The following SIX1 variants were observed in gnomAD, a reference collection of about 807,000 sequenced individuals.
SIX1 encodes the protein homeobox protein SIX1.
SIX1 carries 11 observed loss-of-function variants against 26.5 expected under a neutral mutation model. That is an observed-to-expected ratio of 0.41 (90% confidence interval 0.26 to 0.69). The LOEUF is 0.69. Ranked by LOEUF, SIX1 falls within the 30% of genes least tolerant of loss-of-function variation. SIX1 has a pLI of 0.28. For synonymous variants in SIX1, 177 were observed against 166.2 expected, an observed-to-expected ratio of 1.06 and a Z score of -0.50; for missense variants, 333 against 365.9, an observed-to-expected ratio of 0.91 and a Z score of 0.73.
Position 60,649,195 on chromosome 14 carries a change from G to C in SIX1, c.-6C>G. 1 of 1,604,378 alleles carries C rather than the reference G, an allele frequency of 6.2e-7. No individual in the cohort carries two copies. Among genetic ancestry groups the C allele is most frequent in the Non-Finnish European group, 8.5e-7 (1 of 1,179,550 alleles). ...AACGACGGCAGCATCGACATGGCTG[G>C]GGCCTGCCGGGGCGCACGGCCCAGG... On this transcript the variant is annotated 5_prime_UTR_variant, in exon 1 of 2. Transcript: ENST00000645694. The surrounding 1 kb of genome is among the most constrained non-coding windows in gnomAD (Gnocchi z 5.1).
Position 60,646,355 on chromosome 14 carries a change from C to G in SIX1, c.783G>C (p.Gln261His). ...LTASQPSHGL[Q>H]THQHQLQDSL... is the part of the protein sequence containing the mutation. ...AGTCTTGGAGCTGATGCTGGTGGGT[C>G]TGCAGGCCGTGACTGGGCTGCGAGG... Residue 261 changes from glutamine (Q) to histidine (H), a missense_variant, in exon 2 of 2, where the codon CAG becomes CAC. By Grantham distance (24) the Gln-to-His change is conservative. Around this residue, in one of 3 missense-constraint regions of SIX1, gnomAD observed 199 missense variants for 215.2 expected, o/e 0.92. Transcript: ENST00000645694. 1 of 1,614,022 alleles carries G rather than the reference C, an allele frequency of 6.2e-7. No individual in the cohort carries two copies. The highest frequency in any genetic ancestry group is 1.3e-5 in the African/African-American group (1 of 74,994).
In SIX1 at chr14:60,644,011, C is replaced by G. The variant is rs929721515; in HGVS notation, c.*2272G>C. 1 of 152,164 alleles carries G rather than the reference C, an allele frequency of 6.6e-6. No homozygotes were observed. Among genetic ancestry groups the G allele is most frequent in the African/African-American group, 2.4e-5 (1 of 41,424 alleles). 9.4% of individuals were successfully genotyped at this position (152,164 alleles called of 1,614,324 possible). On this transcript the variant is annotated 3_prime_UTR_variant, in exon 2 of 2. Transcript: ENST00000645694. ...GGCGCCCTGCGAGACACAACTTCCACGAGCCTAAAATTATCCCAGGCGGAG... is the reference window on the plus strand; with the variant it reads ...GGCGCCCTGCGAGACACAACTTCCAGGAGCCTAAAATTATCCCAGGCGGAG...
chr14:60,646,646 AGT>A lies in SIX1; in HGVS notation c.561-71_561-70del, dbSNP rs1894948861. 16 of 1,358,436 alleles carry A rather than the reference AGT, an allele frequency of 1.2e-5. No homozygotes were observed. In the Admixed American group the frequency reaches 2.7e-4, roughly 23 times the overall value. The allele number at this position is 1,358,436 out of a possible 1,614,324, so 84.1% of individuals were successfully genotyped here. On this transcript the variant is annotated intron_variant, in intron 1 of 1. Coordinates refer to ENST00000645694, the MANE Select transcript of SIX1 (RefSeq NM_005982.4). ...AAAAAAAAAAGTAGGTTAAAAAAAAAGTGTGAGATGGAGGGAGGGGAGCTGGA... is the reference window on the plus strand; with the variant it reads ...AAAAAAAAAAGTAGGTTAAAAAAAAAGTGAGATGGAGGGAGGGGAGCTGGA...
Position 60,649,393 on chromosome 14 carries a change from G to C in SIX1, c.-204C>G, listed in dbSNP as rs994915604. On this transcript the variant is annotated 5_prime_UTR_variant, in exon 1 of 2. Coordinates refer to ENST00000645694, the MANE Select transcript of SIX1 (RefSeq NM_005982.4). This position sits in a 1 kb window ranked among gnomAD's most constrained non-coding sequence, Gnocchi z 5.1. The stretch of plus-strand genomic sequence containing the variant: ...AGGAGTAGGGGAGGTTCTGGACACG[G>C]AACGGCCGGCGCACTCAGTAGCCTT... The C allele has an allele frequency of 1.7e-5, 10 of 580,416 alleles. No individual in the cohort carries two copies. Among genetic ancestry groups the C allele is most frequent in the Non-Finnish European group, 1.5e-5 (5 of 326,458 alleles). 36.0% of individuals were successfully genotyped at this position (580,416 alleles called of 1,614,324 possible). A position where few individuals can be genotyped will look rare whatever the true frequency, so the allele number is the denominator to read the frequency against.
At position 60,646,071 on chromosome 14, in the gene SIX1, G is replaced by A; in HGVS notation, c.*212C>T. On this transcript the variant is annotated 3_prime_UTR_variant, in exon 2 of 2. Coordinates refer to ENST00000645694, the MANE Select transcript of SIX1 (RefSeq NM_005982.4). ...GCATTGGGAAGGAAAATGCAAAAGT[G>A]GAAAGAGTTGGAGAGAAGAGGAGAT... 2 of 477,250 alleles carry A rather than the reference G, an allele frequency of 4.2e-6. No individual in the cohort carries two copies. Among genetic ancestry groups the A allele is most frequent in the Non-Finnish European group, 3.7e-6 (1 of 273,814 alleles). 29.6% of individuals were successfully genotyped at this position (477,250 alleles called of 1,614,324 possible). A position where few individuals can be genotyped will look rare whatever the true frequency, so the allele number is the denominator to read the frequency against.
At position 60,645,599 on chromosome 14, in the gene SIX1, C is replaced by T. The variant is rs1392224040; in HGVS notation, c.*684G>A. On this transcript the variant is annotated 3_prime_UTR_variant, in exon 2 of 2. Coordinates refer to ENST00000645694, the MANE Select transcript of SIX1 (RefSeq NM_005982.4). This position sits in a 1 kb window ranked among gnomAD's most constrained non-coding sequence, Gnocchi z 4.6. ...AAAATAGTTGCATTACTAATGGTCACGTCTATTTCTGTCTCACATAGAGAG... is the reference window on the plus strand; with the variant it reads ...AAAATAGTTGCATTACTAATGGTCATGTCTATTTCTGTCTCACATAGAGAG... 6.6e-6 allele frequency: 1 copy of T among 151,904 alleles called. No individual in the cohort carries two copies. The highest frequency in any genetic ancestry group is 6.6e-5 in the Admixed American group (1 of 15,244). 9.4% of individuals were successfully genotyped at this position (151,904 alleles called of 1,614,324 possible). A position where few individuals can be genotyped will look rare whatever the true frequency, so the allele number is the denominator to read the frequency against.
Position 60,646,686 on chromosome 14 carries a change from C to T in SIX1, c.561-109G>A, listed in dbSNP as rs138337140. The stretch of plus-strand genomic sequence containing the variant: ...GAGGGGAGCTGGAAGGAGGAAAGGG[C>T]CATTGTGCAATCTGTCACCAACCCA... On this transcript the variant is annotated intron_variant, in intron 1 of 1. Coordinates refer to ENST00000645694, the MANE Select transcript of SIX1 (RefSeq NM_005982.4). The T allele has an allele frequency of 4.3e-3, 4,184 of 970,794 alleles. 22 individuals carry two copies. The highest frequency in any genetic ancestry group is 0.014 in the Middle Eastern group (44 of 3,070). 60.1% of individuals were successfully genotyped at this position (970,794 alleles called of 1,614,324 possible).
rs751926060 is a variant in SIX1 at position 60,648,384 on chromosome 14, C to T, written c.560+246G>A. Among the ~76,000 whole-genome samples, 2 of 152,212 alleles carry T rather than the reference C, an allele frequency of 1.3e-5. No individual in the cohort carries two copies. Among genetic ancestry groups the T allele is most frequent in the Non-Finnish European group, 2.9e-5 (2 of 68,038 alleles). On this transcript the variant is annotated intron_variant, in intron 1 of 1. Transcript: ENST00000645694. The surrounding 1 kb of genome is among the most constrained non-coding windows in gnomAD (Gnocchi z 7.9). The stretch of plus-strand genomic sequence containing the variant: ...GACCAAATCTAGCGCCAATATTTCC[C>T]GACACTCACATCCCAGAGAAACCCA...
At position 60,644,789 on chromosome 14, in the gene SIX1, CAAAAAT is replaced by C. The variant is rs1323905597; in HGVS notation, c.*1488_*1493del. 6.6e-6 allele frequency: 1 copy of C among 152,182 alleles called. No homozygotes were observed. The highest frequency in any genetic ancestry group is 1.5e-5 in the Non-Finnish European group (1 of 68,028). 9.4% of individuals were successfully genotyped at this position (152,182 alleles called of 1,614,324 possible). A position where few individuals can be genotyped will look rare whatever the true frequency, so the allele number is the denominator to read the frequency against. Reference sequence around the variant, plus strand: ...AGAAGATACATCATTTTGCCCCAGGCAAAAATAATATGGAGCCTACATGATTACTGG... The same window carrying C: ...AGAAGATACATCATTTTGCCCCAGGCAATATGGAGCCTACATGATTACTGG... On this transcript the variant is annotated 3_prime_UTR_variant, in exon 2 of 2. Coordinates refer to ENST00000645694, the MANE Select transcript of SIX1 (RefSeq NM_005982.4).
rs1285549846 is a variant in SIX1, at chr14:60,647,354, C to A, written c.561-777G>T. On this transcript the variant is annotated intron_variant, in intron 1 of 1. Coordinates refer to ENST00000645694, the MANE Select transcript of SIX1 (RefSeq NM_005982.4). The surrounding 1 kb of genome is among the most constrained non-coding windows in gnomAD (Gnocchi z 5.1). Reference sequence around the variant, plus strand: ...CTCAAACTTCCTACCAACACCCACCCCAACCCATCCTTTCTGGGCAGGGGA... The same window carrying A: ...CTCAAACTTCCTACCAACACCCACCACAACCCATCCTTTCTGGGCAGGGGA... Among the ~76,000 whole-genome samples, 3 of 152,230 alleles carry A rather than the reference C, an allele frequency of 2.0e-5. No individual in the cohort carries two copies. The highest frequency in any genetic ancestry group is 2.9e-5 in the Non-Finnish European group (2 of 68,038).
rs1179180089 is a variant in SIX1, at chr14:60,647,417, C to G, written c.561-840G>C. ...CCGCACAGGCTGCCAGCGGGCGCGGCGCGCTGGGGCGTCAGTCCGGGCACT... is the reference window on the plus strand; with the variant it reads ...CCGCACAGGCTGCCAGCGGGCGCGGGGCGCTGGGGCGTCAGTCCGGGCACT... On this transcript the variant is annotated intron_variant, in intron 1 of 1. Transcript: ENST00000645694. This position sits in a 1 kb window ranked among gnomAD's most constrained non-coding sequence, Gnocchi z 5.1. 6.6e-6 allele frequency among the ~76,000 whole-genome samples: 1 copy of G among 152,194 alleles called. No individual in the cohort carries two copies. Among genetic ancestry groups the G allele is most frequent in the African/African-American group, 2.4e-5 (1 of 41,452 alleles).
Position 60,648,967 on chromosome 14 carries a change from A to G in SIX1, c.223T>C (p.Phe75Leu). The G allele has an allele frequency of 6.2e-7, 1 of 1,614,162 alleles. No individual in the cohort carries two copies. Among genetic ancestry groups the G allele is most frequent in the Non-Finnish European group, 8.5e-7 (1 of 1,180,024 alleles). Residue 75 changes from phenylalanine to leucine, a missense_variant, in exon 1 of 2, where the codon TTC (phenylalanine) becomes CTC (leucine). Phe to Leu is a conservative substitution (Grantham distance 22). Around this residue, in one of 3 missense-constraint regions of SIX1, gnomAD observed 133 missense variants for 131.8 expected, o/e 1.01. Transcript: ENST00000645694. This position sits in a 1 kb window ranked among gnomAD's most constrained non-coding sequence, Gnocchi z 7.9. ...AGTTTGGGGTGGTTGTGAGGCGAGA[A>G]CTGGTGGCTCTCCAGGATCTTGTAG... ...ELYKILESHQ[F>L]SPHNHPKLQQ...
chr14:60,646,161 T>C lies in SIX1; in HGVS notation c.*122A>G, dbSNP rs896042239. The C allele has an allele frequency of 4.4e-6, 4 of 902,006 alleles. No individual in the cohort carries two copies. The highest frequency in any genetic ancestry group is 6.6e-6 in the Non-Finnish European group (4 of 602,316). 55.9% of individuals were successfully genotyped at this position (902,006 alleles called of 1,614,324 possible). A position where few individuals can be genotyped will look rare whatever the true frequency, so the allele number is the denominator to read the frequency against. On this transcript the variant is annotated 3_prime_UTR_variant, in exon 2 of 2. Transcript: ENST00000645694. ...TATTTGTGAAAGTCCACCATTCCTT[T>C]ATGCGCAAACAACTCCAGAAACAAG...
rs1367545004 is a variant in SIX1 at position 60,643,838 on chromosome 14, G to T, written c.*2445C>A. On this transcript the variant is annotated 3_prime_UTR_variant, in exon 2 of 2. Coordinates refer to ENST00000645694, the MANE Select transcript of SIX1 (RefSeq NM_005982.4). ...GATTTAGTGCCAGGGGTTTTACAAA[G>T]AGTTTATGACTGTGACAGAAAATTG... 1 of 152,192 alleles carries T rather than the reference G, an allele frequency of 6.6e-6. No individual in the cohort carries two copies. The highest frequency in any genetic ancestry group is 1.9e-4 in the East Asian group (1 of 5,196). 9.4% of individuals were successfully genotyped at this position (152,192 alleles called of 1,614,324 possible).
chr14:60,646,023 T>G lies in SIX1; in HGVS notation c.*260A>C, dbSNP rs1377947902. 6 of 316,824 alleles carry G rather than the reference T, an allele frequency of 1.9e-5. No homozygotes were observed. The highest frequency in any genetic ancestry group is 2.8e-5 in the Non-Finnish European group (5 of 176,990). 19.6% of individuals were successfully genotyped at this position (316,824 alleles called of 1,614,324 possible). A position where few individuals can be genotyped will look rare whatever the true frequency, so the allele number is the denominator to read the frequency against. ...GGTGCTTTTGTTTGTTTGGGTTTTT[T>G]TTTTTTTTTTTCCCTGATCTCTGCA... is the stretch of plus-strand genomic sequence containing the variant. On this transcript the variant is annotated 3_prime_UTR_variant, in exon 2 of 2. Transcript: ENST00000645694.
Position 60,649,312 on chromosome 14 carries a change from A to G in SIX1, c.-123T>C. Reference sequence around the variant, plus strand: ...TCCTAACCTCCTCCTTAGGCTTTGCAAAGGCGAAAACCGGAGTCGGAACTT... The same window carrying G: ...TCCTAACCTCCTCCTTAGGCTTTGCGAAGGCGAAAACCGGAGTCGGAACTT... On this transcript the variant is annotated 5_prime_UTR_variant, in exon 1 of 2. Transcript: ENST00000645694. This position sits in a 1 kb window ranked among gnomAD's most constrained non-coding sequence, Gnocchi z 5.1. The G allele has an allele frequency of 1.2e-6, 1 of 840,262 alleles. No homozygotes were observed. The highest frequency in any genetic ancestry group is 1.8e-6 in the Non-Finnish European group (1 of 546,874). 52.1% of individuals were successfully genotyped at this position (840,262 alleles called of 1,614,324 possible). A position where few individuals can be genotyped will look rare whatever the true frequency, so the allele number is the denominator to read the frequency against.
Position 60,643,886 on chromosome 14 carries a change from A to G in SIX1, c.*2397T>C, listed in dbSNP as rs1172320198. 6.6e-6 allele frequency: 1 copy of G among 152,220 alleles called. No homozygotes were observed. The highest frequency in any genetic ancestry group is 1.5e-5 in the Non-Finnish European group (1 of 68,048). The allele number at this position is 152,220 out of a possible 1,614,324, so 9.4% of individuals were successfully genotyped here. Reference sequence around the variant, plus strand: ...TTGTCCTTTTAACAAGTTTACAAGCAGTAATCACGGGGGCTTTTACAGGAC... The same window carrying G: ...TTGTCCTTTTAACAAGTTTACAAGCGGTAATCACGGGGGCTTTTACAGGAC... On this transcript the variant is annotated 3_prime_UTR_variant, in exon 2 of 2. Transcript: ENST00000645694.
At position 60,647,778 on chromosome 14, in the gene SIX1, C is replaced by G. The variant is rs1261277931; in HGVS notation, c.560+852G>C. Reference sequence around the variant, plus strand: ...CCCACCGTCCTTCTGAATCTCTGTCCGAAACGCTATAGAGAACAGAAGGAG... The same window carrying G: ...CCCACCGTCCTTCTGAATCTCTGTCGGAAACGCTATAGAGAACAGAAGGAG... On this transcript the variant is annotated intron_variant, in intron 1 of 1. Coordinates refer to ENST00000645694, the MANE Select transcript of SIX1 (RefSeq NM_005982.4). This position sits in a 1 kb window ranked among gnomAD's most constrained non-coding sequence, Gnocchi z 5.1. 6.6e-6 allele frequency among the ~76,000 whole-genome samples: 1 copy of G among 152,222 alleles called. No individual in the cohort carries two copies. The highest frequency in any genetic ancestry group is 2.4e-5 in the African/African-American group (1 of 41,466).
At position 60,646,377 on chromosome 14, in the gene SIX1, G is replaced by A. The variant is rs747061363; in HGVS notation, c.761C>T (p.Ser254Leu). 2.5e-6 allele frequency: 4 copies of A among 1,614,022 alleles called. No individual in the cohort carries two copies. In the South Asian group the frequency reaches 3.3e-5, roughly 13 times the overall value. Residue 254 changes from serine to leucine, a missense_variant, in exon 2 of 2, where the codon TCG becomes TTG. This residue lies in a region of SIX1 where 199 missense variants were observed against 215.2 expected (regional missense o/e 0.92). Coordinates refer to ENST00000645694, the MANE Select transcript of SIX1 (RefSeq NM_005982.4). The part of the protein sequence containing the change: ...SNYSLPGLTA[S>L]QPSHGLQTHQ... ...GGTCTGCAGGCCGTGACTGGGCTGCGAGGCTGTTAAGCCCGGGAGAGAATA... is the reference window on the plus strand; with the variant it reads ...GGTCTGCAGGCCGTGACTGGGCTGCAAGGCTGTTAAGCCCGGGAGAGAATA...
Sources: allele counts gnomAD v4.1 joint callset (sites outside exome capture counted in the v4.1 genomes callset), GRCh38; gene constraint gnomAD v4.1.1; regional missense constraint gnomAD v4.1.1; non-coding constraint Gnocchi (gnomAD v3.1); transcripts MANE v1.5; gene names NCBI Gene and HGNC (gene_info 2026-07-23, HGNC 2026-07-21).